SCHIP1: variants seen among roughly 807,000 people sequenced by gnomAD.
The protein encoded by SCHIP1 is schwannomin interacting protein 1.
In SCHIP1, 8 loss-of-function variants were observed where a neutral mutation model predicts 29.7. The ratio of observed to expected loss-of-function variants is 0.27; its 90% CI spans 0.16 to 0.49. The LOEUF (loss-of-function observed/expected upper bound fraction) is 0.49. Among genes scored for constraint, SCHIP1 ranks in the 20% least tolerant of loss-of-function variants. The probability of loss-of-function intolerance (pLI) is 0.99; values close to 1 mark genes in which losing one functional copy is unlikely to be tolerated. For missense variants in SCHIP1, 193 were observed against 294.6 expected (o/e 0.66, Z 2.52); for synonymous variants, 76 against 94.9 (o/e 0.80, Z 1.16).
the SCHIP1 span, among the ~76,000 whole-genome samples, chr3:159,834,545 T>C: frequency 1.1e-4 from 17 of 152,218 alleles, no homozygotes; most frequent in Non-Finnish European, 1.9e-4. Context: ...ACACTTTGTG[T>C]TTCTGCGAAG....
At chr3:159,443,758 C>T in the SCHIP1 span, among the ~76,000 whole-genome samples, 614 of 152,270 alleles carry the variant, frequency 4.0e-3, 1 homozygote, top group African/African-American at 0.014. Flanking sequence ...CTGCCCGCCT[C>T]GGCCTCCCAA....
At chr3:159,434,428 T>TA in the SCHIP1 span, among the ~76,000 whole-genome samples, 479 of 147,560 alleles carry the variant, frequency 3.2e-3, 6 homozygotes, top group South Asian at 0.06. Context: ...ATGGTTCCAG[T>TA]AAAAAAAAAA....
chr3:159,776,745 T>C, the SCHIP1 span, among the ~76,000 whole-genome samples: 2 of 152,244 alleles, frequency 1.3e-5, no homozygotes, highest in Admixed American at 6.5e-5. Context: ...CAGTTGTGTC[T>C]GTACTAACAC....
At chr3:159,837,715 C>A (rs1473867064), upstream of SCHIP1, among the ~76,000 whole-genome samples, 1 of 151,580 alleles carries the variant, frequency 6.6e-6, no homozygotes, top group African/African-American at 2.4e-5. Context: ...GACTCCATCC[C>A]CCGCCCGAAA....
chr3:159,485,642 G>C, the SCHIP1 span, among the ~76,000 whole-genome samples: 1 of 152,162 alleles, frequency 6.6e-6, no homozygotes, highest in African/African-American at 2.4e-5. Flanking sequence ...TGGAGGGTTT[G>C]AATTGTGGCT....
chr3:159,369,556 A>AAGAT, the SCHIP1 span, among the ~76,000 whole-genome samples: 2 of 152,198 alleles, frequency 1.3e-5, no homozygotes, highest in African/African-American at 4.8e-5. Flanking sequence ...CTTATATGCA[A>AAGAT]AGATATATTG....
chr3:159,377,750 T>A, the SCHIP1 span, among the ~76,000 whole-genome samples: 11 of 152,370 alleles, frequency 7.2e-5, no homozygotes, highest in South Asian at 2.1e-4. Context: ...AACACTTTTT[T>A]AAAAGTGTCT....
At chr3:159,563,993 G>A in the SCHIP1 span, among the ~76,000 whole-genome samples, 136 of 151,920 alleles carry the variant, frequency 9.0e-4, no homozygotes, top group South Asian at 0.017. Flanking sequence ...CCATTCTCCC[G>A]TTCCTAACAT....
the SCHIP1 span, among the ~76,000 whole-genome samples, chr3:159,450,240 C>A: frequency 6.6e-6 from 1 of 152,146 alleles, no homozygotes; most frequent in Non-Finnish European, 1.5e-5. Flanking sequence ...GAAAGGGATT[C>A]ATTCCATAAA....
At chr3:159,873,886 A>G (rs1715516649) in intron 2 of SCHIP1, among the ~76,000 whole-genome samples, 1 of 152,206 alleles carries the variant, frequency 6.6e-6, no homozygotes, top group Admixed American at 6.5e-5. Flanking sequence ...TTCTATTATT[A>G]CTAGTATGAT....
chr3:159,849,302 T>A (rs115897764), intron 1 of SCHIP1, among the ~76,000 whole-genome samples: 1 of 152,294 alleles, frequency 6.6e-6, no homozygotes, highest in Non-Finnish European at 1.5e-5. Flanking sequence ...TTTTTCTCAT[T>A]TTAATTGTAT....
chr3:159,639,325 A>G, the SCHIP1 span, among the ~76,000 whole-genome samples: 2 of 152,144 alleles, frequency 1.3e-5, no homozygotes, highest in African/African-American at 4.8e-5. Context: ...CGTGCATGTG[A>G]GGCATAAGAT....
At chr3:159,805,908 G>C in the SCHIP1 span, among the ~76,000 whole-genome samples, 79 of 150,548 alleles carry the variant, frequency 5.2e-4, no homozygotes, top group African/African-American at 1.7e-3. Flanking sequence ...TCCCAGGTTC[G>C]AGCAATTCTC....
the SCHIP1 span, among the ~76,000 whole-genome samples, chr3:159,787,235 G>A: frequency 2.0e-5 from 3 of 152,156 alleles, no homozygotes; most frequent in African/African-American, 7.2e-5. Context: ...CTCCCATATG[G>A]ACTGAATATA....
the SCHIP1 span, among the ~76,000 whole-genome samples, chr3:159,307,705 G>A: frequency 5.2e-4 from 79 of 152,094 alleles, no homozygotes; most frequent in African/African-American, 1.7e-3. Flanking sequence ...TATAGTTTGA[G>A]GTCTTGTATT....
chr3:159,587,953 G>T, the SCHIP1 span, among the ~76,000 whole-genome samples: 2 of 152,136 alleles, frequency 1.3e-5, no homozygotes, highest in Non-Finnish European at 2.9e-5. Flanking sequence ...CTTTATAGCA[G>T]CATGATTTAT....
chr3:159,579,047 CCTAG>C, the SCHIP1 span, among the ~76,000 whole-genome samples: 2 of 152,160 alleles, frequency 1.3e-5, no homozygotes, highest in African/African-American at 4.8e-5. Flanking sequence ...TTATGCCATA[CCTAG>C]CTGTGTACTC....
chr3:159,491,537 G>A, the SCHIP1 span, among the ~76,000 whole-genome samples: 1 of 152,226 alleles, frequency 6.6e-6, no homozygotes, highest in African/African-American at 2.4e-5. Context: ...CAAACTGCAA[G>A]GTGACAGCGA....
chr3:159,719,390 A>G, the SCHIP1 span, among the ~76,000 whole-genome samples: 1 of 152,348 alleles, frequency 6.6e-6, no homozygotes, highest in Non-Finnish European at 1.5e-5. Context: ...AATGGGATCT[A>G]ATTAAACTAA....
Sources: gnomAD v4.1 joint callset for allele counts (sites outside exome capture counted in the v4.1 genomes callset) on GRCh38, gnomAD v4.1.1 for gene constraint, MANE v1.5 for transcripts, NCBI Gene and HGNC (gene_info 2026-07-23, HGNC 2026-07-21) for gene names.